The following SPOCK3 variants were observed in gnomAD, a reference collection of about 807,000 sequenced individuals.
SPOCK3 encodes testican-3.
Under a neutral mutation model 56.6 loss-of-function variants are expected in SPOCK3, and 30 were observed. That is an observed-to-expected ratio of 0.53 (90% CI 0.40 to 0.72). The LOEUF (loss-of-function observed/expected upper bound fraction) is 0.72. Ranked by LOEUF, SPOCK3 falls within the 30% of genes least tolerant of loss-of-function variation. The probability of loss-of-function intolerance (pLI) is 0.00; values close to 1 mark genes in which losing one functional copy is unlikely to be tolerated. For synonymous variants in SPOCK3, 196 were observed against 183.3 expected (o/e 1.07, Z -0.56); for missense variants, 527 against 530.0 (o/e 0.99, Z 0.06).
At chr4:166,940,558 T>C (rs370976970) in intron 4 of SPOCK3, among the ~76,000 whole-genome samples, 2 of 151,928 alleles carry the variant, frequency 1.3e-5, no homozygotes, top group African/African-American at 2.4e-5. Flanking sequence ...CTAGACAGCA[T>C]GTGCATTTTG....
At chr4:167,082,578 T>C (rs1173955902) in intron 2 of SPOCK3, among the ~76,000 whole-genome samples, 1 of 152,078 alleles carries the variant, frequency 6.6e-6, no homozygotes, top group East Asian at 1.9e-4. Context: ...TGTTTTATGC[T>C]TGTTTACTAA....
chr4:167,064,285 G>C (rs558142268), intron 2 of SPOCK3, among the ~76,000 whole-genome samples: 3 of 151,804 alleles, frequency 2.0e-5, no homozygotes, highest in African/African-American at 7.2e-5. Context: ...GTTATATTAA[G>C]AGGAGGGCAA....
At chr4:166,880,923 T>C (rs866181043) in intron 6 of SPOCK3, among the ~76,000 whole-genome samples, 3 of 152,304 alleles carry the variant, frequency 2.0e-5, no homozygotes, top group Non-Finnish European at 2.9e-5. Flanking sequence ...CTCATAAATG[T>C]TGAATTCACT....
intron 6 of SPOCK3, among the ~76,000 whole-genome samples, chr4:166,847,505 C>T (rs890379318): frequency 1.3e-5 from 2 of 151,408 alleles, no homozygotes; most frequent in Admixed American, 6.6e-5. Flanking sequence ...TATACCTGGA[C>T]ACAGTGTTGT....
At chr4:166,830,082 C>T (rs1745876042) in intron 6 of SPOCK3, among the ~76,000 whole-genome samples, 1 of 152,076 alleles carries the variant, frequency 6.6e-6, no homozygotes, top group African/African-American at 2.4e-5. Flanking sequence ...ATTTCTTATA[C>T]CACTCTTCAT....
chr4:166,900,417 C>T (rs1428705742), intron 5 of SPOCK3, among the ~76,000 whole-genome samples: 3 of 152,178 alleles, frequency 2.0e-5, no homozygotes, highest in African/African-American at 7.2e-5. Flanking sequence ...GTTCACATAT[C>T]TTAGTAAGGC....
chr4:167,074,580 T>C (rs1444339132), intron 2 of SPOCK3, among the ~76,000 whole-genome samples: 8 of 151,816 alleles, frequency 5.3e-5, no homozygotes, highest in Non-Finnish European at 1.2e-4. Context: ...ATGGGTAATA[T>C]AGAGTGTGGT....
intron 2 of SPOCK3, among the ~76,000 whole-genome samples, chr4:167,106,434 AC>A (rs1760157103): frequency 6.6e-6 from 1 of 151,930 alleles, no homozygotes; most frequent in South Asian, 2.1e-4. Context: ...CTTTATTGAA[AC>A]AAATGATAAT....
At chr4:167,066,909 G>T (rs1410757734) in intron 2 of SPOCK3, among the ~76,000 whole-genome samples, 3 of 151,886 alleles carry the variant, frequency 2.0e-5, no homozygotes, top group Non-Finnish European at 4.4e-5. Flanking sequence ...TACAGGTGAG[G>T]TGGGTCGGAA....
chr4:166,855,174 A>G (rs1022762184), intron 6 of SPOCK3, among the ~76,000 whole-genome samples: 4 of 152,206 alleles, frequency 2.6e-5, no homozygotes, highest in African/African-American at 4.8e-5. Flanking sequence ...CAGAGGGCCA[A>G]GAGAAAAGTT....
At chr4:167,017,894 C>T (rs550875428) in intron 3 of SPOCK3, among the ~76,000 whole-genome samples, 2 of 151,754 alleles carry the variant, frequency 1.3e-5, no homozygotes, top group South Asian at 2.1e-4. Flanking sequence ...TAAAAACACC[C>T]AATATTGATT....
chr4:166,824,749 A>G (rs2126773067), intron 6 of SPOCK3, among the ~76,000 whole-genome samples: 1 of 152,240 alleles, frequency 6.6e-6, no homozygotes, highest in South Asian at 2.1e-4. Flanking sequence ...TTTTGATGAC[A>G]GTGTTAACTA....
chr4:167,233,289 G>A (rs1349186603), intron 2 of SPOCK3, among the ~76,000 whole-genome samples: 1 of 152,188 alleles, frequency 6.6e-6, no homozygotes, highest in African/African-American at 2.4e-5. Flanking sequence ...CCCCAGGGGA[G>A]TCTATGGTTT....
intron 4 of SPOCK3, among the ~76,000 whole-genome samples, chr4:166,955,597 T>C (rs1017532889): frequency 6.9e-6 from 1 of 145,494 alleles, no homozygotes; most frequent in African/African-American, 2.5e-5. Flanking sequence ...TTAAATTTAA[T>C]ATAATCAAAT....
rs1734063400 is a variant in SPOCK3 at position 166,734,929 on chromosome 4, A to G, written c.1294T>C (p.Tyr432His). 1 of 1,542,440 alleles carries G rather than the reference A, an allele frequency of 6.5e-7. No individual in the cohort carries two copies. The highest frequency in any genetic ancestry group is 1.4e-5 in the African/African-American group (1 of 73,648). The change falls in exon 11 of 11, where the codon TAC (tyrosine) becomes CAC (histidine). Residue 432 changes from tyrosine (Y) to histidine (H), a missense_variant. Tyr to His is a moderately conservative substitution (Grantham distance 83, BLOSUM62 2). Coordinates refer to ENST00000357545, the MANE Select transcript of SPOCK3 (RefSeq NM_001040159.2). Reference sequence around the variant, plus strand: ...ATTTCAACTGTCATCAATCAAATGTATACATCATGGTCATCACCACCATCA... The same window carrying G: ...ATTTCAACTGTCATCAATCAAATGTGTACATCATGGTCATCACCACCATCA... The part of the protein sequence containing the change: ...DDDGGDDHDV[Y>H]I
chr4:167,071,070 G>A (rs1756627756), intron 2 of SPOCK3, among the ~76,000 whole-genome samples: 2 of 151,858 alleles, frequency 1.3e-5, no homozygotes, highest in South Asian at 2.1e-4. Context: ...GTGCCATTGG[G>A]ACAATTCCTC....
chr4:167,152,991 A>G (rs1217606783), intron 2 of SPOCK3, among the ~76,000 whole-genome samples: 1 of 152,236 alleles, frequency 6.6e-6, no homozygotes, highest in East Asian at 1.9e-4. Context: ...AAATCCAATC[A>G]TATCTATCAT....
intron 6 of SPOCK3, among the ~76,000 whole-genome samples, chr4:166,849,078 A>G (rs1240280705): frequency 4.6e-5 from 7 of 152,246 alleles, no homozygotes; most frequent in Admixed American, 2.0e-4. Context: ...TTAGAAATAC[A>G]TGAATATCTA....
At chr4:166,754,244 C>G (rs7658810) in intron 8 of SPOCK3, 536,468 of 1,135,574 alleles carry the variant, frequency 0.47, 129,032 homozygotes, top group African/African-American at 0.51. Flanking sequence ...CTGTGTGCTT[C>G]TTGGTGGCTC....
Sources: allele counts gnomAD v4.1 joint callset (sites outside exome capture counted in the v4.1 genomes callset), GRCh38; gene constraint gnomAD v4.1.1; transcripts MANE v1.5; gene names NCBI Gene and HGNC (gene_info 2026-07-23, HGNC 2026-07-21).